Variants in NSUN3 observed in about 807,000 individuals in gnomAD.
NSUN3 encodes NOP2/Sun RNA methyltransferase 3, also known as tRNA (cytosine(34)-C(5))-methyltransferase, mitochondrial.
In NSUN3, 24 loss-of-function variants were observed where a neutral mutation model predicts 36.8. The observed-to-expected ratio is 0.65, with a 90% CI of 0.47 to 0.92. The LOEUF (loss-of-function observed/expected upper bound fraction) is 0.92, where lower values mean the gene tolerates loss of function less well. Among genes scored for constraint, NSUN3 ranks in the 40% least tolerant of loss-of-function variants. The pLI is 0.00. For synonymous variants in NSUN3, 146 were observed against 145.2 expected, an observed-to-expected ratio of 1.01 and a Z score of -0.04; for missense variants, 381 against 392.8, an observed-to-expected ratio of 0.97 and a Z score of 0.25.
At chr3:94,088,870 C>T (rs563327956) in intron 3 of NSUN3, among the ~76,000 whole-genome samples, 45 of 152,026 alleles carry the variant, frequency 3.0e-4, no homozygotes, top group African/African-American at 8.7e-4. Flanking sequence ...GGTTTCACCA[C>T]GTTGGCCAGG....
In NSUN3 at chr3:94,124,152, T is replaced by C. The variant is rs996886085; in HGVS notation, c.744-2059T>C. On this transcript the variant is annotated intron_variant, in intron 5 of 5. Coordinates refer to ENST00000314622, the MANE Select transcript of NSUN3 (RefSeq NM_022072.5). Reference sequence around the variant, plus strand: ...TTCTATTTTATTATTTTATTTCTTTTTTTTTTTTTTTTTTTTTTGAGATGG... The same window carrying C: ...TTCTATTTTATTATTTTATTTCTTTCTTTTTTTTTTTTTTTTTTGAGATGG... Among the ~76,000 whole-genome samples, 13 of 134,644 alleles carry C rather than the reference T, an allele frequency of 9.7e-5. No individual in the cohort carries two copies. The South Asian group carries it at 9.9e-4, about 10-fold the overall frequency. The allele number at this position is 134,644 out of a possible 152,430, so 88.3% of individuals were successfully genotyped here.
At chr3:94,103,065 T>G (rs2077372403) in intron 5 of NSUN3, among the ~76,000 whole-genome samples, 1 of 151,994 alleles carries the variant, frequency 6.6e-6, no homozygotes, top group Admixed American at 6.6e-5. Context: ...TTTTGTATTT[T>G]TAGCAGAGAT....
chr3:94,106,082 C>A (rs1392372205), intron 5 of NSUN3, among the ~76,000 whole-genome samples: 1 of 152,016 alleles, frequency 6.6e-6, no homozygotes, highest in African/African-American at 2.4e-5. Flanking sequence ...AGGCAATGAA[C>A]TGTTAAGAAG....
chr3:94,110,075 T>G (rs2077409605), intron 5 of NSUN3, among the ~76,000 whole-genome samples: 1 of 152,186 alleles, frequency 6.6e-6, no homozygotes, highest in Non-Finnish European at 1.5e-5. Context: ...TTGCTCCTTT[T>G]TATTGGGTCA....
chr3:94,086,368 GT>G (rs1217562952), intron 3 of NSUN3, among the ~76,000 whole-genome samples: 1 of 152,242 alleles, frequency 6.6e-6, no homozygotes, highest in East Asian at 1.9e-4. Flanking sequence ...CATTTGTAAA[GT>G]TGGTGAAGGA....
At chr3:94,098,768 G>A (rs918521871) in intron 5 of NSUN3, among the ~76,000 whole-genome samples, 2 of 152,030 alleles carry the variant, frequency 1.3e-5, no homozygotes, top group Admixed American at 1.3e-4. Flanking sequence ...CCTTTCTCCT[G>A]GCAAACTCTA....
At chr3:94,067,487 T>C (rs2107233792) in intron 2 of NSUN3, among the ~76,000 whole-genome samples, 1 of 152,342 alleles carries the variant, frequency 6.6e-6, no homozygotes, top group East Asian at 1.9e-4. Flanking sequence ...AAGTGAGAGT[T>C]GTCTTTGAGA....
chr3:94,101,378 T>A (rs1189254689), intron 5 of NSUN3, among the ~76,000 whole-genome samples: 1 of 152,160 alleles, frequency 6.6e-6, no homozygotes, highest in African/African-American at 2.4e-5. Flanking sequence ...TAACAGTATA[T>A]ATAATGATAA....
intron 5 of NSUN3, 134 bp from the exon 6 acceptor site, chr3:94,126,073 AGACT>A: frequency 1.5e-6 from 1 of 675,294 alleles, no homozygotes; most frequent in Non-Finnish European, 2.4e-6. Context: ...AAAAAAAAAA[AGACT>A]AGAAAACATC....
At position 94,127,208 on chromosome 3, in the gene NSUN3, T is replaced by C. The variant is rs1210610770; in HGVS notation, c.*718T>C. ...TTTCGACATTCAGCTTATAGAATTA[T>C]GGAGTCTATCCAGCAGGCTATAAAG... On this transcript the variant is annotated 3_prime_UTR_variant, in exon 6 of 6. Transcript: ENST00000314622. 6.6e-6 allele frequency: 1 copy of C among 152,176 alleles called. No homozygotes were observed. Among genetic ancestry groups the C allele is most frequent in the African/African-American group, 2.4e-5 (1 of 41,440 alleles). 9.4% of individuals were successfully genotyped at this position (152,176 alleles called of 1,614,324 possible).
At chr3:94,115,246 G>A (rs76452650) in intron 5 of NSUN3, among the ~76,000 whole-genome samples, 1 of 152,140 alleles carries the variant, frequency 6.6e-6, no homozygotes, top group African/African-American at 2.4e-5. Flanking sequence ...CCAACTGCAG[G>A]ATCGATGTTC....
chr3:94,100,619 A>G (rs1190272911), intron 5 of NSUN3, among the ~76,000 whole-genome samples: 2 of 152,230 alleles, frequency 1.3e-5, no homozygotes, highest in East Asian at 3.8e-4. Flanking sequence ...ATAGATTTGT[A>G]GTATTCTTAC....
chr3:94,063,229 A>C (rs1277796342), intron 1 of NSUN3, 91 bp downstream of exon 1: 37 of 1,268,360 alleles, frequency 2.9e-5, no homozygotes, highest in Non-Finnish European at 4.3e-5. Flanking sequence ...GGGATGGGGG[A>C]ACATCACCTT....
intron 3 of NSUN3, among the ~76,000 whole-genome samples, chr3:94,085,632 G>T (rs1033951994): frequency 6.6e-6 from 1 of 152,148 alleles, no homozygotes; most frequent in Non-Finnish European, 1.5e-5. Flanking sequence ...GGTGGTGCAT[G>T]TCTGTAGTCC....
intron 5 of NSUN3, among the ~76,000 whole-genome samples, chr3:94,101,153 G>A (rs958096723): frequency 6.6e-6 from 1 of 151,756 alleles, no homozygotes; most frequent in East Asian, 1.9e-4. Context: ...TACCACACTT[G>A]CCTAATTTTT....
Position 94,080,752 on chromosome 3 carries a change from C to T in NSUN3, c.123-3355C>T, listed in dbSNP as rs566365344. Among the ~76,000 whole-genome samples, 7 of 152,322 alleles carry T rather than the reference C, an allele frequency of 4.6e-5. No homozygotes were observed. The South Asian group carries it at 1.2e-3, about 27-fold the overall frequency. ...CCTCAGTAATGGCGGACGCCCCTCC[C>T]TCCACCAAGCTCCAGCATCCCAGGT... On this transcript the variant is annotated intron_variant, in intron 2 of 5. Transcript: ENST00000314622.
chr3:94,127,644 C>T lies in NSUN3; in HGVS notation c.*1154C>T, dbSNP rs939887928. The T allele has an allele frequency of 6.6e-6, 1 of 152,010 alleles. No homozygotes were observed. The highest frequency in any genetic ancestry group is 1.5e-5 in the Non-Finnish European group (1 of 68,014). 9.4% of individuals were successfully genotyped at this position (152,010 alleles called of 1,614,324 possible). A position where few individuals can be genotyped will look rare whatever the true frequency, so the allele number is the denominator to read the frequency against. ...TTTCCAACTATTAAGAAAAATTATGCAGCACATCTCAAAAAATAGCATCTC... is the reference window on the plus strand; with the variant it reads ...TTTCCAACTATTAAGAAAAATTATGTAGCACATCTCAAAAAATAGCATCTC... On this transcript the variant is annotated 3_prime_UTR_variant, in exon 6 of 6. Transcript: ENST00000314622.
In NSUN3 at chr3:94,126,554, A is replaced by G. The variant is rs545583827; in HGVS notation, c.*64A>G. On this transcript the variant is annotated 3_prime_UTR_variant, in exon 6 of 6. Coordinates refer to ENST00000314622, the MANE Select transcript of NSUN3 (RefSeq NM_022072.5). ...ATATTTCTGAACTCAGTACATGTTA[A>G]TATTTAAATAATTATGCAGTAACTT... 2.1e-6 allele frequency: 3 copies of G among 1,400,788 alleles called. No homozygotes were observed. In the East Asian group the frequency reaches 7.2e-5, roughly 34 times the overall value. 86.8% of individuals were successfully genotyped at this position (1,400,788 alleles called of 1,614,324 possible). A position where few individuals can be genotyped will look rare whatever the true frequency, so the allele number is the denominator to read the frequency against.
At chr3:94,092,996 A>G (rs981897498) in intron 3 of NSUN3, among the ~76,000 whole-genome samples, 4 of 151,754 alleles carry the variant, frequency 2.6e-5, no homozygotes, top group Admixed American at 2.6e-4. Flanking sequence ...ATACACAGAA[A>G]CACCTCTCAT....
Sources: allele counts gnomAD v4.1 joint callset (sites outside exome capture counted in the v4.1 genomes callset), GRCh38; gene constraint gnomAD v4.1.1; transcripts MANE v1.5; gene names NCBI Gene and HGNC (gene_info 2026-07-23, HGNC 2026-07-21).